The following TASP1 variants were observed in gnomAD, a reference collection of about 807,000 sequenced individuals.
TASP1 encodes the protein taspase 1.
TASP1 carries 16 observed loss-of-function variants against 56.6 expected under a neutral mutation model. The ratio of observed to expected loss-of-function variants is 0.28; its 90% CI spans 0.19 to 0.43. The LOEUF (loss-of-function observed/expected upper bound fraction) is 0.43. TASP1 is among the 20% of genes least tolerant of loss of function. The pLI is 1.00. For missense variants in TASP1, 393 were observed against 511.6 expected (o/e 0.77, Z 2.24); for synonymous variants, 179 against 184.2 (o/e 0.97, Z 0.23).
At chr20:13,304,725 C>T in the TASP1 span, among the ~76,000 whole-genome samples, 2 of 152,166 alleles carry the variant, frequency 1.3e-5, no homozygotes, top group African/African-American at 4.8e-5. Context: ...TCAATGAATA[C>T]CCCAACTCCC....
the TASP1 span, among the ~76,000 whole-genome samples, chr20:13,206,038 C>T: frequency 6.6e-6 from 1 of 152,230 alleles, no homozygotes; most frequent in African/African-American, 2.4e-5. Context: ...GGTCAGAGAA[C>T]ACCCTCAGGC....
At chr20:13,429,786 T>C (rs1218775589) in intron 12 of TASP1, among the ~76,000 whole-genome samples, 1 of 152,210 alleles carries the variant, frequency 6.6e-6, no homozygotes, top group Non-Finnish European at 1.5e-5. Context: ...AGTAAACTAA[T>C]TACATATACT....
chr20:13,345,501 G>A, the TASP1 span, among the ~76,000 whole-genome samples: 2 of 152,206 alleles, frequency 1.3e-5, no homozygotes, highest in Admixed American at 6.5e-5. Flanking sequence ...GGACTGGGGG[G>A]AAATTGAGTT....
chr20:13,286,232 C>T, the TASP1 span, among the ~76,000 whole-genome samples: 1 of 152,104 alleles, frequency 6.6e-6, no homozygotes, highest in East Asian at 2.0e-4. Flanking sequence ...CTGGATGCTT[C>T]TCTGACAAGT....
intron 9 of TASP1, among the ~76,000 whole-genome samples, chr20:13,528,826 GC>G (rs1568549434): frequency 2.0e-5 from 3 of 151,492 alleles, no homozygotes. Flanking sequence ...TGTTCTTCTG[GC>G]CCCTTAAAAC....
At chr20:13,607,961 C>A (rs2048217496) in intron 4 of TASP1, among the ~76,000 whole-genome samples, 1 of 152,018 alleles carries the variant, frequency 6.6e-6, no homozygotes, top group Non-Finnish European at 1.5e-5. Context: ...GGCGACAGAG[C>A]AAGACTCTGT....
chr20:13,113,288 T>C, the TASP1 span, among the ~76,000 whole-genome samples: 1 of 152,180 alleles, frequency 6.6e-6, no homozygotes, highest in Non-Finnish European at 1.5e-5. Flanking sequence ...CGGAGGTATA[T>C]TAGGAATGCA....
the TASP1 span, among the ~76,000 whole-genome samples, chr20:13,143,957 C>A: frequency 6.6e-6 from 1 of 152,202 alleles, no homozygotes; most frequent in Non-Finnish European, 1.5e-5. Flanking sequence ...TCATCCTGAT[C>A]CATGCACTAT....
chr20:13,399,127 C>T (rs925896828), intron 13 of TASP1, among the ~76,000 whole-genome samples: 3 of 152,138 alleles, frequency 2.0e-5, no homozygotes, highest in African/African-American at 7.2e-5. Flanking sequence ...TTTTTTAGGA[C>T]ACCACTCTCA....
chr20:13,449,910 T>C (rs879373081), intron 11 of TASP1, among the ~76,000 whole-genome samples: 2 of 152,100 alleles, frequency 1.3e-5, no homozygotes, highest in Admixed American at 1.3e-4. Context: ...GTACAACATA[T>C]CAGTGCAATG....
chr20:13,463,499 T>TA (rs145511830), intron 11 of TASP1, among the ~76,000 whole-genome samples: 3 of 151,614 alleles, frequency 2.0e-5, no homozygotes, highest in African/African-American at 7.3e-5. Context: ...AGGCAACAAA[T>TA]AAAAAAACAG....
chr20:13,516,669 T>G (rs973739070), intron 10 of TASP1, among the ~76,000 whole-genome samples: 5 of 151,716 alleles, frequency 3.3e-5, no homozygotes, highest in South Asian at 2.1e-4. Context: ...TTTTTTTTTT[T>G]TTTTTTTTTT....
chr20:13,279,936 G>A, the TASP1 span: 1 of 1,587,228 alleles, frequency 6.3e-7, no homozygotes, highest in Admixed American at 1.7e-5. Flanking sequence ...TTGGTGGGAA[G>A]AATAAACGAG....
intron 11 of TASP1, among the ~76,000 whole-genome samples, chr20:13,482,156 C>A (rs1026335495): frequency 9.2e-5 from 14 of 152,098 alleles, no homozygotes; most frequent in African/African-American, 3.4e-4. Context: ...GTTTTCCCAG[C>A]ACCATTTGTT....
the TASP1 span, among the ~76,000 whole-genome samples, chr20:13,305,193 A>G: frequency 6.6e-5 from 6 of 90,684 alleles, no homozygotes; most frequent in Admixed American, 5.4e-4. Flanking sequence ...AATACCGTTG[A>G]GTTGTTAAAA....
rs114972522 is a variant in TASP1, at chr20:13,497,858, C to A, written c.875-14521G>T. Among the ~76,000 whole-genome samples the A allele has an allele frequency of 6.1e-3, 929 of 152,266 alleles. 5 individuals are homozygous for A. Among genetic ancestry groups the A allele is most frequent in the African/African-American group, 0.019 (790 of 41,568 alleles). On this transcript the variant is annotated intron_variant, in intron 10 of 13. Transcript: ENST00000337743. ...ACACCTACAACCATCTGACCTTCAACAAAGCTGACAAAAATTAGCAATGAA... is the reference window on the plus strand; with the variant it reads ...ACACCTACAACCATCTGACCTTCAAAAAAGCTGACAAAAATTAGCAATGAA...
chr20:13,465,969 A>G (rs982075125), intron 11 of TASP1, among the ~76,000 whole-genome samples: 1 of 152,140 alleles, frequency 6.6e-6, no homozygotes, highest in Non-Finnish European at 1.5e-5. Context: ...ACTGCATAGA[A>G]CTAAATACAC....
chr20:13,609,989 T>C (rs1464038085), intron 4 of TASP1, among the ~76,000 whole-genome samples: 1 of 152,082 alleles, frequency 6.6e-6, no homozygotes, highest in African/African-American at 2.4e-5. Context: ...AAAACATTAT[T>C]CTAAGCGAAA....
chr20:13,518,499 GCCCCAAACA>G (rs764525265), intron 10 of TASP1, among the ~76,000 whole-genome samples: 22 of 151,886 alleles, frequency 1.4e-4, no homozygotes, highest in Non-Finnish European at 2.6e-4. Context: ...CCCAAATTAA[GCCCCAAACA>G]CCTCAGACTC....
Sources: allele counts gnomAD v4.1 joint callset (sites outside exome capture counted in the v4.1 genomes callset), GRCh38; gene constraint gnomAD v4.1.1; transcripts MANE v1.5; gene names NCBI Gene and HGNC (gene_info 2026-07-23, HGNC 2026-07-21).